Variants in REDIC1 observed in about 807,000 individuals in gnomAD.
The protein encoded by REDIC1 is HEI10 Interacting Protein 1.
the REDIC1 span, chr12:39,757,403 C>T: frequency 6.6e-6 from 1 of 151,462 alleles, no homozygotes; most frequent in African/African-American, 2.4e-5. Context: ...TAGTGGTAGC[C>T]AAATATGCTG....
the REDIC1 span, chr12:39,684,057 A>G: frequency 2.6e-6 from 2 of 773,770 alleles, no homozygotes; most frequent in Non-Finnish European, 3.2e-6. Context: ...CAAGATTACA[A>G]TCTCCTCTAC....
the REDIC1 span, among the ~76,000 whole-genome samples, chr12:39,699,931 C>T: frequency 6.6e-6 from 1 of 152,136 alleles, no homozygotes; most frequent in Non-Finnish European, 1.5e-5. Flanking sequence ...CACCAAAAAC[C>T]CATCTGTACA....
the REDIC1 span, among the ~76,000 whole-genome samples, chr12:39,698,000 G>T: frequency 6.6e-6 from 1 of 152,092 alleles, no homozygotes; most frequent in Non-Finnish European, 1.5e-5. Flanking sequence ...ATGATCTGTT[G>T]CCTATAAGAA....
chr12:39,885,010 G>A, the REDIC1 span, among the ~76,000 whole-genome samples: 2 of 152,202 alleles, frequency 1.3e-5, no homozygotes, highest in Non-Finnish European at 2.9e-5. Context: ...GCAGAGACAG[G>A]TATTATAGCC....
At chr12:39,897,095 T>C in the REDIC1 span, among the ~76,000 whole-genome samples, 5 of 152,200 alleles carry the variant, frequency 3.3e-5, no homozygotes, top group Non-Finnish European at 5.9e-5. Context: ...TTCTAGTTGA[T>C]AGTTCTTTCT....
At chr12:39,868,157 A>G in the REDIC1 span, among the ~76,000 whole-genome samples, 6 of 152,172 alleles carry the variant, frequency 3.9e-5, no homozygotes, top group African/African-American at 1.4e-4. Context: ...CTAATACAAG[A>G]AGGCTTTGGA....
chr12:39,682,606 C>A, the REDIC1 span: 1 of 1,534,068 alleles, frequency 6.5e-7, no homozygotes, highest in East Asian at 2.3e-5. Context: ...TTGTTTATCC[C>A]AAAGTCTAGG....
the REDIC1 span, among the ~76,000 whole-genome samples, chr12:39,764,049 C>T: frequency 6.6e-6 from 1 of 152,128 alleles, no homozygotes; most frequent in Non-Finnish European, 1.5e-5. Flanking sequence ...AGATTCTGCT[C>T]TTGGACTGGA....
chr12:39,736,033 A>G, the REDIC1 span, among the ~76,000 whole-genome samples: 1 of 152,220 alleles, frequency 6.6e-6, no homozygotes, highest in East Asian at 1.9e-4. Flanking sequence ...CTGAAGTAAT[A>G]CTGGTAGGAA....
chr12:39,655,959 A>G, the REDIC1 span, among the ~76,000 whole-genome samples: 1 of 151,840 alleles, frequency 6.6e-6, no homozygotes, highest in Non-Finnish European at 1.5e-5. Flanking sequence ...ATCATCCCAG[A>G]AGGTCCTGCC....
At chr12:39,665,814 T>C in the REDIC1 span, among the ~76,000 whole-genome samples, 1 of 152,122 alleles carries the variant, frequency 6.6e-6, no homozygotes, top group South Asian at 2.1e-4. Flanking sequence ...GATTCCTAGG[T>C]ATTTTATTCT....
the REDIC1 span, among the ~76,000 whole-genome samples, chr12:39,637,364 C>A: frequency 2.0e-5 from 3 of 151,988 alleles, no homozygotes; most frequent in East Asian, 5.8e-4. Flanking sequence ...ATTCATTTTC[C>A]AGAATAACGT....
the REDIC1 span, chr12:39,682,814 A>G: frequency 4.3e-6 from 7 of 1,612,438 alleles, no homozygotes; most frequent in Non-Finnish European, 5.9e-6. Context: ...GAGAATTGTG[A>G]CTCTTTTGTT....
At chr12:39,697,371 C>T in the REDIC1 span, among the ~76,000 whole-genome samples, 3 of 152,142 alleles carry the variant, frequency 2.0e-5, no homozygotes, top group Admixed American at 6.5e-5. Flanking sequence ...AAAAGGAGTA[C>T]TTCAGTCAGA....
At chr12:39,828,944 T>C in the REDIC1 span, among the ~76,000 whole-genome samples, 3 of 152,158 alleles carry the variant, frequency 2.0e-5, no homozygotes, top group African/African-American at 7.2e-5. Flanking sequence ...GGATTTTTAC[T>C]CAACTAACAT....
At chr12:39,661,771 G>T in the REDIC1 span, among the ~76,000 whole-genome samples, 20 of 152,044 alleles carry the variant, frequency 1.3e-4, no homozygotes, top group African/African-American at 4.6e-4. Flanking sequence ...TCTTCTAATA[G>T]TTTTATTGTT....
chr12:39,835,833 T>C, the REDIC1 span: 3 of 152,102 alleles, frequency 2.0e-5, no homozygotes. Context: ...AAAATAATTT[T>C]AGGGGGTAGA....
At chr12:39,737,704 G>T in the REDIC1 span, among the ~76,000 whole-genome samples, 1 of 152,182 alleles carries the variant, frequency 6.6e-6, no homozygotes, top group Non-Finnish European at 1.5e-5. Context: ...AAGTCTGTTT[G>T]ACTTCAAAGC....
chr12:39,635,681 A>G, the REDIC1 span, among the ~76,000 whole-genome samples: 5 of 152,218 alleles, frequency 3.3e-5, no homozygotes, highest in Admixed American at 6.5e-5. Flanking sequence ...ATTAGGAGAA[A>G]TACCTAATGT....
Sources: allele counts gnomAD v4.1 joint callset (sites outside exome capture counted in the v4.1 genomes callset), GRCh38; gene constraint gnomAD v4.1.1; transcripts MANE v1.5; gene names NCBI Gene and HGNC (gene_info 2026-07-23, HGNC 2026-07-21).